Variants in MFF observed in about 807,000 individuals in gnomAD.
The protein encoded by MFF is mitochondrial fission factor.
Under a neutral mutation model 36.9 loss-of-function variants are expected in MFF, and 12 were observed. The ratio of observed to expected loss-of-function variants is 0.33; its 90% confidence interval spans 0.21 to 0.53. The LOEUF is 0.53. MFF is among the 20% of genes least tolerant of loss of function. The pLI, the probability that MFF is intolerant of heterozygous loss-of-function variation, is 0.95. For synonymous variants in MFF, 99 were observed against 126.2 expected, an observed-to-expected ratio of 0.78 and a Z score of 1.44; for missense variants, 348 against 366.6, an observed-to-expected ratio of 0.95 and a Z score of 0.42.
rs1035034302 is a variant in MFF at position 227,342,684 on chromosome 2, C to T, written c.440+2304C>T. The T allele has an allele frequency of 5.2e-6, 7 of 1,353,686 alleles. No homozygotes were observed. In the African/African-American group the frequency reaches 1.0e-4, roughly 20 times the overall value. 83.9% of individuals were successfully genotyped at this position (1,353,686 alleles called of 1,614,324 possible). ...TGAATTCTAAACAGTAAAATCAGAT[C>T]TAGCTTTTTCTTTGTGTTATAAAAG... On this transcript the variant is annotated intron_variant, in intron 5 of 8. Coordinates refer to ENST00000304593, the MANE Select transcript of MFF (RefSeq NM_001277062.2).
At chr2:227,341,630 A>G (rs576420018) in intron 5 of MFF, among the ~76,000 whole-genome samples, 1 of 152,218 alleles carries the variant, frequency 6.6e-6, no homozygotes, top group Non-Finnish European at 1.5e-5. Context: ...CATTTTTTCT[A>G]GACTATTTCC....
At chr2:227,345,569 A>T (rs549375040) in intron 5 of MFF, among the ~76,000 whole-genome samples, 8 of 152,200 alleles carry the variant, frequency 5.3e-5, no homozygotes, top group Non-Finnish European at 1.2e-4. Flanking sequence ...AGAACTGACC[A>T]TTTTTTAATT....
At chr2:227,341,089 G>C (rs1350944765) in intron 5 of MFF, among the ~76,000 whole-genome samples, 1 of 152,132 alleles carries the variant, frequency 6.6e-6, no homozygotes, top group East Asian at 1.9e-4. Context: ...GAAAGAATCA[G>C]GAGATGATAC....
intron 5 of MFF, chr2:227,346,243 G>A (rs541735847): frequency 1.2e-5 from 2 of 167,098 alleles, no homozygotes; most frequent in East Asian, 3.9e-4. Flanking sequence ...ATACACATTG[G>A]ATGACATTTA....
rs1015267578 is a variant in MFF at position 227,342,932 on chromosome 2, T to C, written c.440+2552T>C. 3.6e-6 allele frequency: 3 copies of C among 838,128 alleles called. No individual in the cohort carries two copies. The Admixed American group carries it at 8.0e-5, about 22-fold the overall frequency. 51.9% of individuals were successfully genotyped at this position (838,128 alleles called of 1,614,324 possible). A position where few individuals can be genotyped will look rare whatever the true frequency, so the allele number is the denominator to read the frequency against. ...ACGTATGCTATCCTAATTATCTTCCTGTTTGGCTTTTTAGTACCTCTGTTT... is the reference window on the plus strand; with the variant it reads ...ACGTATGCTATCCTAATTATCTTCCCGTTTGGCTTTTTAGTACCTCTGTTT... On this transcript the variant is annotated intron_variant, in intron 5 of 8. Coordinates refer to ENST00000304593, the MANE Select transcript of MFF (RefSeq NM_001277062.2).
intron 7 of MFF, 26 bp from the exon 8 acceptor site, chr2:227,355,651 T>G: frequency 7.1e-7 from 1 of 1,418,334 alleles, no homozygotes; most frequent in Non-Finnish European, 1.0e-6. Context: ...TTACTATTCA[T>G]TTGTATTTCT....
intron 5 of MFF, 27 bp from the exon 6 acceptor site, chr2:227,347,199 C>T (rs1441384536): frequency 5.0e-6 from 8 of 1,595,450 alleles, no homozygotes; most frequent in Admixed American, 1.7e-5. Flanking sequence ...GTGTTTTTCT[C>T]TTCATTTGCT....
intron 8 of MFF, 147 bp from the exon 9 acceptor site, chr2:227,356,838 GT>G: frequency 1.6e-6 from 1 of 636,136 alleles, no homozygotes; most frequent in Non-Finnish European, 2.7e-6. Context: ...ATGTGTAGTT[GT>G]GTTTATTTTG....
intron 8 of MFF, 76 bp from the exon 9 acceptor site, chr2:227,356,910 T>A (rs2076285823): frequency 7.8e-6 from 9 of 1,148,850 alleles, no homozygotes; most frequent in Non-Finnish European, 9.9e-6. Context: ...TTATACTACT[T>A]ACTTTATAAG....
intron 5 of MFF, 131 bp from the exon 6 acceptor site, chr2:227,347,095 T>C (rs1346145567): frequency 1.5e-6 from 1 of 685,344 alleles, no homozygotes; most frequent in African/African-American, 1.8e-5. Context: ...GACTGTTTTC[T>C]TGTGGGGAGA....
chr2:227,341,279 G>A (rs1487409104), intron 5 of MFF, among the ~76,000 whole-genome samples: 5 of 98,050 alleles, frequency 5.1e-5, no homozygotes, highest in Admixed American at 1.3e-4. Flanking sequence ...GATATTAAAG[G>A]TAGAGAGAGG....
rs149206514 is a variant in MFF at position 227,350,851 on chromosome 2, C to T, written c.600-1663C>T. ...ATTTTATGTATTAAATCATACTTAT[C>T]GTAGAAAATGGTACTTGAATGAAGT... is the stretch of plus-strand genomic sequence containing the variant. On this transcript the variant is annotated intron_variant, in intron 6 of 8. Coordinates refer to ENST00000304593, the MANE Select transcript of MFF (RefSeq NM_001277062.2). 5.9e-5 allele frequency among the ~76,000 whole-genome samples: 9 copies of T among 152,238 alleles called. No homozygotes were observed. The East Asian group carries it at 1.5e-3, about 26-fold the overall frequency.
intron 3 of MFF, among the ~76,000 whole-genome samples, chr2:227,331,219 C>T (rs1457672274): frequency 6.6e-6 from 1 of 152,180 alleles, no homozygotes; most frequent in Non-Finnish European, 1.5e-5. Flanking sequence ...ACCATGATCT[C>T]CTTTCTATAG....
chr2:227,353,391 G>A (rs1432119705), intron 7 of MFF, among the ~76,000 whole-genome samples: 1 of 152,184 alleles, frequency 6.6e-6, no homozygotes, highest in Non-Finnish European at 1.5e-5. Context: ...CATCGTTTCT[G>A]TGCTTAGAAG....
intron 7 of MFF, among the ~76,000 whole-genome samples, chr2:227,354,311 C>T (rs547672648): frequency 2.0e-5 from 3 of 152,268 alleles, no homozygotes; most frequent in Admixed American, 2.0e-4. Flanking sequence ...TATAATTCTG[C>T]TTCATATCCC....
At chr2:227,340,415 A>G (rs1273228284) in intron 5 of MFF, 35 bp downstream of exon 5, 1 of 1,446,830 alleles carries the variant, frequency 6.9e-7, no homozygotes, top group African/African-American at 1.6e-5. Context: ...TCTCGTTTGT[A>G]AGTTTTCTCA....
chr2:227,352,990 CTTTG>C (rs1251180537), intron 7 of MFF, among the ~76,000 whole-genome samples: 4 of 152,124 alleles, frequency 2.6e-5, no homozygotes, highest in Admixed American at 6.6e-5. Context: ...ACAAACCTGT[CTTTG>C]TTTGTAAGGC....
chr2:227,336,669 G>A lies in MFF; in HGVS notation c.352-3623G>A, dbSNP rs557548255. On this transcript the variant is annotated intron_variant, in intron 4 of 8. Coordinates refer to ENST00000304593, the MANE Select transcript of MFF (RefSeq NM_001277062.2). ...TCCAAAGTGTACAGCCAGAGCTGGA[G>A]GAGTAGAAGAAATATCTAGCTAGAT... Among the ~76,000 whole-genome samples the A allele has an allele frequency of 3.9e-5, 6 of 152,310 alleles. No homozygotes were observed. In the South Asian group the frequency reaches 1.2e-3, roughly 32 times the overall value.
chr2:227,351,166 G>A (rs2075976358), intron 6 of MFF, among the ~76,000 whole-genome samples: 1 of 152,114 alleles, frequency 6.6e-6, no homozygotes, highest in African/African-American at 2.4e-5. Flanking sequence ...GTTTCCTAAT[G>A]CCACAGAGTA....
Sources: gnomAD v4.1 joint callset for allele counts (sites outside exome capture counted in the v4.1 genomes callset) on GRCh38, gnomAD v4.1.1 for gene constraint, MANE v1.5 for transcripts, NCBI Gene and HGNC (gene_info 2026-07-23, HGNC 2026-07-21) for gene names.